The following MYO3A variants were observed in gnomAD, a reference collection of about 807,000 sequenced individuals.
MYO3A encodes myosin IIIA.
A neutral mutation model predicts 192.7 loss-of-function variants in MYO3A; 180 were observed. That is an observed-to-expected ratio of 0.93 (90% CI 0.83 to 1.06). The LOEUF (loss-of-function observed/expected upper bound fraction) is 1.06, where lower values mean the gene tolerates loss of function less well. MYO3A is among the 50% of genes least tolerant of loss of function. The pLI, the probability that MYO3A is intolerant of heterozygous loss-of-function variation, is 0.00. For synonymous variants in MYO3A, 628 were observed against 645.3 expected (o/e 0.97, Z 0.41); for missense variants, 1,896 against 1,905.0 (o/e 1.00, Z 0.09).
chr10:26,047,215 G>A (rs1033225158), intron 10 of MYO3A, among the ~76,000 whole-genome samples: 1 of 151,850 alleles, frequency 6.6e-6, no homozygotes, highest in Non-Finnish European at 1.5e-5. Flanking sequence ...ACAAATATGT[G>A]TACTTAAATA....
chr10:25,951,971 T>G, intron 2 of MYO3A, 123 bp from the exon 3 acceptor site: 1 of 691,826 alleles, frequency 1.4e-6, no homozygotes, highest in Non-Finnish European at 2.5e-6. Context: ...CTGAAATATG[T>G]TTGGTTGCTG....
intron 34 of MYO3A, 131 bp downstream of exon 34, chr10:26,203,238 T>A: frequency 9.4e-7 from 1 of 1,066,770 alleles, no homozygotes; most frequent in South Asian, 1.4e-5. Flanking sequence ...TGGAGTGATA[T>A]GGTGTTTAAA....
chr10:25,949,687 C>T (rs1837077717), intron 2 of MYO3A, among the ~76,000 whole-genome samples: 1 of 151,910 alleles, frequency 6.6e-6, no homozygotes, highest in African/African-American at 2.4e-5. Flanking sequence ...GATAATGTGC[C>T]CGTAAGTATA....
chr10:25,949,770 G>A (rs542193906), intron 2 of MYO3A, among the ~76,000 whole-genome samples: 14 of 151,806 alleles, frequency 9.2e-5, no homozygotes, highest in East Asian at 3.9e-4. Context: ...ACCTTATTTC[G>A]CTTCCTAACT....
intron 29 of MYO3A, among the ~76,000 whole-genome samples, chr10:26,172,699 T>C (rs969670844): frequency 6.6e-6 from 1 of 152,246 alleles, no homozygotes; most frequent in Non-Finnish European, 1.5e-5. Context: ...CATGGGCATC[T>C]GATGCCCTAC....
At chr10:26,107,842 G>A (rs745546731) in intron 17 of MYO3A, among the ~76,000 whole-genome samples, 12 of 151,852 alleles carry the variant, frequency 7.9e-5, no homozygotes, top group Admixed American at 1.3e-4. Flanking sequence ...AACAGCTATT[G>A]GATGCATTTA....
At chr10:26,134,966 G>A (rs561637093) in intron 20 of MYO3A, among the ~76,000 whole-genome samples, 47 of 152,268 alleles carry the variant, frequency 3.1e-4, no homozygotes, top group African/African-American at 7.2e-4. Flanking sequence ...TGTTGCAAAC[G>A]TTCTGTCCAC....
intron 30 of MYO3A, among the ~76,000 whole-genome samples, chr10:26,176,084 G>A (rs1032388356): frequency 6.6e-6 from 1 of 152,152 alleles, no homozygotes; most frequent in African/African-American, 2.4e-5. Flanking sequence ...CACGAGGTCA[G>A]GAGATCGAGA....
intron 10 of MYO3A, among the ~76,000 whole-genome samples, chr10:26,059,021 T>G (rs1433003520): frequency 6.6e-6 from 1 of 152,212 alleles, no homozygotes; most frequent in Non-Finnish European, 1.5e-5. Flanking sequence ...GCAGTGACTT[T>G]TTTATATTAA....
chr10:26,007,299 G>A lies in MYO3A; in HGVS notation c.509-9521G>A, dbSNP rs1342928079. On this transcript the variant is annotated intron_variant, in intron 6 of 34. Transcript: ENST00000642920. ...CATACTGAATGGGCAAAAACTGGAAGCATTCCCTTTGAAAACCGGCACAAG... is the reference window on the plus strand; with the variant it reads ...CATACTGAATGGGCAAAAACTGGAAACATTCCCTTTGAAAACCGGCACAAG... Among the ~76,000 whole-genome samples the A allele has an allele frequency of 2.7e-5, 4 of 150,824 alleles. No homozygotes were observed. The East Asian group carries it at 5.8e-4, about 22-fold the overall frequency.
intron 23 of MYO3A, among the ~76,000 whole-genome samples, chr10:26,148,192 G>A (rs945280356): frequency 6.6e-6 from 1 of 152,142 alleles, no homozygotes; most frequent in African/African-American, 2.4e-5. Context: ...ACTCACAAAT[G>A]ATGTTTCTCA....
chr10:26,186,865 T>A (rs1298839605), intron 31 of MYO3A, among the ~76,000 whole-genome samples: 6 of 152,200 alleles, frequency 3.9e-5, no homozygotes, highest in African/African-American at 1.4e-4. Context: ...CAAATAAAGG[T>A]TTTTGCCTAT....
intron 17 of MYO3A, among the ~76,000 whole-genome samples, chr10:26,100,981 A>T (rs1437758247): frequency 1.3e-5 from 2 of 152,158 alleles, no homozygotes; most frequent in African/African-American, 4.8e-5. Context: ...GATCTGTCTA[A>T]TATTGACAGT....
At chr10:26,027,685 TTA>T (rs1487462172) in intron 10 of MYO3A, among the ~76,000 whole-genome samples, 2 of 152,298 alleles carry the variant, frequency 1.3e-5, no homozygotes, top group Non-Finnish European at 2.9e-5. Context: ...TGGAATAGTA[TTA>T]TATGTGTCCC....
chr10:26,117,532 T>C (rs995472578), intron 17 of MYO3A, among the ~76,000 whole-genome samples: 2 of 152,100 alleles, frequency 1.3e-5, no homozygotes, highest in African/African-American at 2.4e-5. Context: ...TGTGTTGTTC[T>C]CCTCTATGTG....
At chr10:26,145,652 G>A in intron 22 of MYO3A, 118 bp downstream of exon 22, 1 of 854,308 alleles carries the variant, frequency 1.2e-6, no homozygotes, top group East Asian at 2.6e-5. Context: ...ATAGCTGTCT[G>A]TTTCCGCCCC....
chr10:25,973,389 G>A (rs906721185), intron 4 of MYO3A, among the ~76,000 whole-genome samples: 24 of 152,096 alleles, frequency 1.6e-4, no homozygotes, highest in African/African-American at 5.8e-4. Flanking sequence ...GGGCCAAGAC[G>A]ATGGGGTTTT....
chr10:26,178,951 G>A (rs1233830858), intron 31 of MYO3A, among the ~76,000 whole-genome samples: 3 of 148,938 alleles, frequency 2.0e-5, no homozygotes, highest in South Asian at 2.1e-4. Flanking sequence ...CCAGGCGCCA[G>A]CCACCACGCC....
At chr10:26,114,430 A>G (rs1050472376) in intron 17 of MYO3A, among the ~76,000 whole-genome samples, 1 of 152,186 alleles carries the variant, frequency 6.6e-6, no homozygotes, top group South Asian at 2.1e-4. Context: ...AGGAAATCAT[A>G]TATTTCCCAA....
Sources: allele counts gnomAD v4.1 joint callset (sites outside exome capture counted in the v4.1 genomes callset), GRCh38; gene constraint gnomAD v4.1.1; transcripts MANE v1.5; gene names NCBI Gene and HGNC (gene_info 2026-07-23, HGNC 2026-07-21).